Variants in RB1CC1 observed in about 807,000 individuals in gnomAD.
The protein encoded by RB1CC1 is RB1 inducible coiled-coil 1, also known as RB1-inducible coiled-coil protein 1.
In RB1CC1, 46 loss-of-function variants were observed where a neutral mutation model predicts 177.5. The observed-to-expected ratio is 0.26, with a 90% CI of 0.20 to 0.33. The LOEUF (loss-of-function observed/expected upper bound fraction) is 0.33. Ranked by LOEUF, RB1CC1 falls within the 10% of genes least tolerant of loss-of-function variation. RB1CC1 has a pLI of 1.00. For missense variants in RB1CC1, 1,703 were observed against 1,816.3 expected (o/e 0.94, Z 1.13); for synonymous variants, 666 against 613.6 (o/e 1.09, Z -1.26).
At chr8:52,694,076 T>C (rs542300271) in intron 1 of RB1CC1, among the ~76,000 whole-genome samples, 2 of 152,274 alleles carry the variant, frequency 1.3e-5, no homozygotes, top group African/African-American at 4.8e-5. Context: ...GAGGAGAACC[T>C]ACCTATCGTA....
chr8:52,708,018 G>A (rs1326194448), intron 1 of RB1CC1, among the ~76,000 whole-genome samples: 1 of 152,072 alleles, frequency 6.6e-6, no homozygotes, highest in Middle Eastern at 3.2e-3. Flanking sequence ...ACGGTGCTAG[G>A]AATATACTAA....
At chr8:52,642,995 T>C in intron 16 of RB1CC1, 183 bp from the exon 17 acceptor site, 1 of 634,756 alleles carries the variant, frequency 1.6e-6, no homozygotes, top group Non-Finnish European at 2.3e-6. Flanking sequence ...ACTTTCTTGG[T>C]TCCAATTTAA....
At chr8:52,676,220 T>C (rs1278156414) in intron 6 of RB1CC1, 149 bp downstream of exon 6, 2 of 668,904 alleles carry the variant, frequency 3.0e-6, no homozygotes, top group South Asian at 4.1e-5. Flanking sequence ...AACTATAACC[T>C]ACAAATCACT....
At chr8:52,642,866 A>C in intron 16 of RB1CC1, 54 bp from the exon 17 acceptor site, 2 of 1,414,008 alleles carry the variant, frequency 1.4e-6, no homozygotes, top group Non-Finnish European at 1.8e-6. Flanking sequence ...AGCAGCTAGG[A>C]CTTAGAAAAT....
chr8:52,664,689 T>C (rs1851921172), intron 8 of RB1CC1, among the ~76,000 whole-genome samples: 1 of 152,146 alleles, frequency 6.6e-6, no homozygotes, highest in Admixed American at 6.5e-5. Context: ...GGAGGTTAAA[T>C]GGTCAGATTT....
chr8:52,657,027 C>G lies in RB1CC1; in HGVS notation c.2802G>C (p.Leu934Phe). 1 of 1,613,646 alleles carries G rather than the reference C, an allele frequency of 6.2e-7. No individual in the cohort carries two copies. Among genetic ancestry groups the G allele is most frequent in the Non-Finnish European group, 8.5e-7 (1 of 1,179,906 alleles). Reference sequence around the variant, plus strand: ...AGTGCATTATATTTTCCATCTCTAACAACTTCTGATCCTTTTCATTCTGCA... The same window carrying G: ...AGTGCATTATATTTTCCATCTCTAAGAACTTCTGATCCTTTTCATTCTGCA... ...ICLQNEKDQK[L>F]LEMENIMHSQ... The change falls in exon 15 of 24, where the codon TTG becomes TTC. Residue 934 changes from leucine (L) to phenylalanine (F), a missense_variant. By Grantham distance (22) the Leu-to-Phe change is conservative (BLOSUM62 0). Around this residue, in one of 6 missense-constraint regions of RB1CC1, gnomAD observed 1,169 missense variants for 1,184.7 expected, o/e 0.99. Coordinates refer to ENST00000025008, the MANE Select transcript of RB1CC1 (RefSeq NM_014781.5).
At chr8:52,696,010 T>G (rs1420755694) in intron 1 of RB1CC1, among the ~76,000 whole-genome samples, 5 of 152,168 alleles carry the variant, frequency 3.3e-5, no homozygotes, top group Non-Finnish European at 5.9e-5. Flanking sequence ...TCCTTCTAAC[T>G]GTAGAGTTGG....
chr8:52,704,682 T>G (rs957550721), intron 1 of RB1CC1, among the ~76,000 whole-genome samples: 1 of 152,122 alleles, frequency 6.6e-6, no homozygotes, highest in Non-Finnish European at 1.5e-5. Context: ...TAAAGTCCAT[T>G]AAATCCTGTA....
At position 52,661,099 on chromosome 8, in the gene RB1CC1, C is replaced by T. The variant is rs1400230716; in HGVS notation, c.1541G>A (p.Arg514Lys). 1.2e-6 allele frequency: 2 copies of T among 1,613,178 alleles called. No homozygotes were observed. Among genetic ancestry groups the T allele is most frequent in the Admixed American group, 3.3e-5 (2 of 59,794 alleles). ...AATAGAATTCAACTTGCATACCTCC[C>T]TGTAGTGTTTTATGAACATTTTTCT... Reference protein sequence around the residue: ...VRRKMFIKHYREWAGALVKDG... With the variant: ...VRRKMFIKHYKEWAGALVKDG... The change falls in exon 10 of 24, where the codon AGG becomes AAG. Residue 514 changes from arginine to lysine, a missense_variant. By Grantham distance (26) the Arg-to-Lys change is conservative. Coordinates refer to ENST00000025008, the MANE Select transcript of RB1CC1 (RefSeq NM_014781.5).
At chr8:52,688,953 T>C (rs1270690290) in intron 1 of RB1CC1, among the ~76,000 whole-genome samples, 1 of 152,000 alleles carries the variant, frequency 6.6e-6, no homozygotes, top group Non-Finnish European at 1.5e-5. Context: ...AAAGAAAAAA[T>C]GTGGTACTTG....
intron 12 of RB1CC1, 107 bp from the exon 13 acceptor site, chr8:52,659,083 A>G (rs1036658323): frequency 7.8e-6 from 4 of 511,654 alleles, no homozygotes; most frequent in Non-Finnish European, 1.3e-5. Context: ...CAAACAAACT[A>G]AAGTGCTTTA....
In RB1CC1 at chr8:52,653,688, G is replaced by A. The variant is rs569694037; in HGVS notation, c.3821+2320C>T. Among the ~76,000 whole-genome samples, 44 of 152,192 alleles carry A rather than the reference G, an allele frequency of 2.9e-4. 2 individuals carry two copies. The South Asian group carries it at 8.9e-3, about 31-fold the overall frequency. ...AGGAACAAGCTGAATAACCCTTATCGGAAATGCTTGGCAGCAGAAGTGGTC... is the reference window on the plus strand; with the variant it reads ...AGGAACAAGCTGAATAACCCTTATCAGAAATGCTTGGCAGCAGAAGTGGTC... On this transcript the variant is annotated intron_variant, in intron 15 of 23. Transcript: ENST00000025008.
At chr8:52,626,243 G>A (rs575639401) in intron 22 of RB1CC1, among the ~76,000 whole-genome samples, 2 of 152,244 alleles carry the variant, frequency 1.3e-5, no homozygotes, top group South Asian at 2.1e-4. Context: ...AAAAAGGAAC[G>A]GGGGTTTATT....
intron 1 of RB1CC1, among the ~76,000 whole-genome samples, chr8:52,708,681 G>A (rs1181455418): frequency 6.6e-6 from 1 of 152,038 alleles, no homozygotes; most frequent in Non-Finnish European, 1.5e-5. Context: ...CTCTTATCTG[G>A]GGGGAAAAAC....
intron 21 of RB1CC1, among the ~76,000 whole-genome samples, chr8:52,629,298 C>G (rs1025787547): frequency 2.6e-5 from 4 of 152,158 alleles, no homozygotes; most frequent in African/African-American, 9.7e-5. Flanking sequence ...GGATAAAAGG[C>G]TGAACACTAT....
intron 8 of RB1CC1, among the ~76,000 whole-genome samples, chr8:52,665,259 C>A (rs1338842228): frequency 6.6e-6 from 1 of 151,988 alleles, no homozygotes; most frequent in Non-Finnish European, 1.5e-5. Flanking sequence ...TAAATTCTAA[C>A]AAAAACATGA....
At chr8:52,685,174 T>C (rs1854152025) in intron 3 of RB1CC1, among the ~76,000 whole-genome samples, 5 of 152,068 alleles carry the variant, frequency 3.3e-5, no homozygotes, top group Admixed American at 3.3e-4. Flanking sequence ...CAGCTAATTT[T>C]TGTATTTTTA....
intron 7 of RB1CC1, among the ~76,000 whole-genome samples, chr8:52,669,276 C>T (rs1378428437): frequency 6.6e-6 from 1 of 152,142 alleles, no homozygotes; most frequent in African/African-American, 2.4e-5. Flanking sequence ...AAAAATCTTT[C>T]AAGCCTCTCA....
chr8:52,654,409 T>C (rs1305117186), intron 15 of RB1CC1, among the ~76,000 whole-genome samples: 1 of 152,192 alleles, frequency 6.6e-6, no homozygotes, highest in Non-Finnish European at 1.5e-5. Context: ...AGGTTTATTC[T>C]CCAGAGGTGG....
Sources: allele counts gnomAD v4.1 joint callset (sites outside exome capture counted in the v4.1 genomes callset), GRCh38; gene constraint gnomAD v4.1.1; regional missense constraint gnomAD v4.1.1; transcripts MANE v1.5; gene names NCBI Gene and HGNC (gene_info 2026-07-23, HGNC 2026-07-21).